UNKL: variants seen among roughly 807,000 people sequenced by gnomAD.
UNKL encodes the protein putative E3 ubiquitin-protein ligase UNKL.
In UNKL, 60 loss-of-function variants were observed where a neutral mutation model predicts 78.0. That is an observed-to-expected ratio of 0.77 (90% CI 0.63 to 0.95). The LOEUF (loss-of-function observed/expected upper bound fraction) is 0.95, where lower values mean the gene tolerates loss of function less well. Among genes scored for constraint, UNKL ranks in the 40% least tolerant of loss-of-function variants. UNKL has a pLI of 0.00. For synonymous variants in UNKL, 608 were observed against 474.8 expected, an observed-to-expected ratio of 1.28 and a Z score of -3.65; for missense variants, 1,159 against 1,045.7, an observed-to-expected ratio of 1.11 and a Z score of -1.49.
intron 10 of UNKL, chr16:1,383,552 G>A (rs1057465722): frequency 2.6e-5 from 9 of 341,870 alleles, no homozygotes; most frequent in East Asian, 1.5e-4. Flanking sequence ...GTGTCCTGCC[G>A]ATGTGTGGTC....
intron 2 of UNKL, among the ~76,000 whole-genome samples, chr16:1,407,998 C>T (rs2037846038): frequency 6.6e-6 from 1 of 151,170 alleles, no homozygotes; most frequent in South Asian, 2.1e-4. Context: ...TTGGGTACTC[C>T]GGAGGCTGAG....
At position 1,366,179 on chromosome 16, in the gene UNKL, C is replaced by A; in HGVS notation, c.*61G>T. On this transcript the variant is annotated 3_prime_UTR_variant, in exon 15 of 15. Transcript: ENST00000389221. ...CACCAGAAGCGAGTGACGACATGTC[C>A]GTGGTCAGGAGGAGCGCTGGAGCCA... is the stretch of plus-strand genomic sequence containing the variant. 1.4e-6 allele frequency: 2 copies of A among 1,426,198 alleles called. No homozygotes were observed. The highest frequency in any genetic ancestry group is 2.9e-5 in the African/African-American group (2 of 70,038). The allele number at this position is 1,426,198 out of a possible 1,614,324, so 88.3% of individuals were successfully genotyped here. A position where few individuals can be genotyped will look rare whatever the true frequency, so the allele number is the denominator to read the frequency against.
chr16:1,392,579 C>G (rs1271037379), intron 8 of UNKL, among the ~76,000 whole-genome samples: 1 of 152,166 alleles, frequency 6.6e-6, no homozygotes, highest in African/African-American at 2.4e-5. Flanking sequence ...GGATTACAGG[C>G]ACCCACCACC....
chr16:1,410,894 A>G (rs775052729), intron 2 of UNKL, among the ~76,000 whole-genome samples: 120 of 152,244 alleles, frequency 7.9e-4, no homozygotes, highest in Non-Finnish European at 1.4e-3. Flanking sequence ...CCTAACCAAA[A>G]TGGGCTGACT....
chr16:1,372,915 C>T (rs1225403216), intron 10 of UNKL, among the ~76,000 whole-genome samples: 1 of 76,448 alleles, frequency 1.3e-5, no homozygotes, highest in Non-Finnish European at 2.7e-5. Context: ...CAACACCGCA[C>T]AGAGACCTCA....
At chr16:1,413,427 G>C (rs990507603) in intron 2 of UNKL, among the ~76,000 whole-genome samples, 2 of 152,024 alleles carry the variant, frequency 1.3e-5, no homozygotes, top group Non-Finnish European at 2.9e-5. Context: ...AATTAGCTGG[G>C]CATGGTGGCA....
At chr16:1,401,495 C>T in intron 4 of UNKL, 73 bp downstream of exon 4, 1 of 1,393,178 alleles carries the variant, frequency 7.2e-7, no homozygotes. Context: ...CACAGGGAAC[C>T]AAGTGGCCCG....
chr16:1,377,262 T>C (rs901259237), intron 10 of UNKL, among the ~76,000 whole-genome samples: 7 of 152,140 alleles, frequency 4.6e-5, no homozygotes, highest in African/African-American at 1.7e-4. Context: ...CCTCAGGTGA[T>C]CTGCTTGCCT....
intron 7 of UNKL, among the ~76,000 whole-genome samples, chr16:1,393,349 G>A (rs1368713575): frequency 6.6e-6 from 1 of 151,802 alleles, no homozygotes; most frequent in East Asian, 1.9e-4. Flanking sequence ...CAAACCCCAG[G>A]GCTGCGAGGA....
chr16:1,405,226 A>G (rs1160195311), intron 2 of UNKL, among the ~76,000 whole-genome samples: 10 of 110,934 alleles, frequency 9.0e-5, no homozygotes, highest in Admixed American at 9.7e-5. Context: ...AAAAAAAAGG[A>G]GGCGAGGAAG....
At chr16:1,389,760 C>T (rs2036965640) in intron 9 of UNKL, among the ~76,000 whole-genome samples, 1 of 152,240 alleles carries the variant, frequency 6.6e-6, no homozygotes, top group Non-Finnish European at 1.5e-5. Flanking sequence ...CTCTGGACAG[C>T]TCAAGCTCGG....
chr16:1,399,355 C>T lies in UNKL; in HGVS notation c.734+19G>A, dbSNP rs763553236. ...CGCCCACCAGCCGGAGTCCTCTGAG[C>T]ACGGTCCCGCAGGCTCACCTGTACT... On this transcript the variant is annotated intron_variant, in intron 5 of 14. Coordinates refer to ENST00000389221, the MANE Select transcript of UNKL (RefSeq NM_001372107.1). This position sits in a 1 kb window ranked among gnomAD's most constrained non-coding sequence, Gnocchi z 5.8. 4 of 1,563,984 alleles carry T rather than the reference C, an allele frequency of 2.6e-6. No homozygotes were observed. The highest frequency in any genetic ancestry group is 4.6e-5 in the East Asian group (2 of 43,540).
Position 1,380,837 on chromosome 16 carries a change from G to C in UNKL, c.1264+4371C>G, listed in dbSNP as rs190746145. On this transcript the variant is annotated intron_variant, in intron 10 of 14. Coordinates refer to ENST00000389221, the MANE Select transcript of UNKL (RefSeq NM_001372107.1). ...TTACAGGAGCAAGCCACCACACCCA[G>C]CTAATTTTTGTATTTTTGGTAGAGA... Among the ~76,000 whole-genome samples, 21 of 152,162 alleles carry C rather than the reference G, an allele frequency of 1.4e-4. 1 individual carries two copies. The highest frequency in any genetic ancestry group is 1.3e-3 in the Admixed American group (20 of 15,284).
intron 2 of UNKL, 45 bp downstream of exon 2, chr16:1,413,801 C>T (rs1412772933): frequency 9.4e-6 from 14 of 1,483,634 alleles, no homozygotes; most frequent in Admixed American, 2.3e-5. Flanking sequence ...GGGTGGAGGC[C>T]CCCCACCTCC....
intron 14 of UNKL, among the ~76,000 whole-genome samples, chr16:1,366,749 G>T (rs1199874723): frequency 6.6e-6 from 1 of 152,204 alleles, no homozygotes; most frequent in African/African-American, 2.4e-5. Context: ...CCCTTAGCAG[G>T]CGAGGTGAGG....
intron 9 of UNKL, among the ~76,000 whole-genome samples, chr16:1,388,196 C>T (rs1398895199): frequency 2.0e-5 from 3 of 152,134 alleles, no homozygotes; most frequent in African/African-American, 7.2e-5. Flanking sequence ...GTCTGTGCCC[C>T]GCACCTGTGT....
chr16:1,371,551 TC>T lies in UNKL; in HGVS notation c.1324del (p.Glu442LysfsTer61). 1 of 1,536,224 alleles carries T rather than the reference TC, an allele frequency of 6.5e-7. No individual in the cohort carries two copies. Among genetic ancestry groups the T allele is most frequent in the Non-Finnish European group, 8.7e-7 (1 of 1,146,926 alleles). On this transcript the variant is annotated frameshift_variant, in exon 11 of 15. Transcript: ENST00000389221. LOFTEE classifies it high-confidence loss of function. ...TCCCAGGTCGTGGCCGTCTTGCTCT[TC>T]CAGGTCCTTCTCTAGGGATGCAATA... is the stretch of plus-strand genomic sequence containing the variant. The part of the protein sequence containing the change: ...VNIASLEKDL[E>X]EQDGHDLGAA...
intron 9 of UNKL, among the ~76,000 whole-genome samples, chr16:1,389,022 C>T (rs1283867717): frequency 2.0e-5 from 3 of 152,236 alleles, no homozygotes; most frequent in East Asian, 1.9e-4. Flanking sequence ...ATCTTCCAGC[C>T]GGAAGCTCTG....
At chr16:1,369,021 C>T (rs1017484937) in intron 12 of UNKL, among the ~76,000 whole-genome samples, 1 of 148,952 alleles carries the variant, frequency 6.7e-6, no homozygotes, top group Non-Finnish European at 1.5e-5. Context: ...GCTGGGATTA[C>T]AGGCTTGAGC....
Sources: gnomAD v4.1 joint callset for allele counts (sites outside exome capture counted in the v4.1 genomes callset) on GRCh38, gnomAD v4.1.1 for gene constraint, Gnocchi (gnomAD v3.1) non-coding constraint, MANE v1.5 for transcripts, NCBI Gene and HGNC (gene_info 2026-07-23, HGNC 2026-07-21) for gene names.